The following ROBO1 variants were observed in gnomAD, a reference collection of about 807,000 sequenced individuals.
ROBO1 encodes the protein roundabout guidance receptor 1.
Under a neutral mutation model 195.9 loss-of-function variants are expected in ROBO1, and 149 were observed. The ratio of observed to expected loss-of-function variants is 0.76; its 90% CI spans 0.67 to 0.87. The LOEUF (loss-of-function observed/expected upper bound fraction) is 0.87. Ranked by LOEUF, ROBO1 falls within the 40% of genes least tolerant of loss-of-function variation. ROBO1 has a pLI of 0.00. For missense variants in ROBO1, 1,933 were observed against 2,068.3 expected (o/e 0.93, Z 1.27); for synonymous variants, 816 against 733.2 (o/e 1.11, Z -1.82).
At chr3:78,629,425 T>A (rs1705036681) in intron 25 of ROBO1, among the ~76,000 whole-genome samples, 1 of 152,146 alleles carries the variant, frequency 6.6e-6, no homozygotes, top group Admixed American at 6.6e-5. Context: ...GAATGGCTCA[T>A]GCCTGCCTGC....
chr3:78,962,897 G>C (rs1369838381), intron 3 of ROBO1, among the ~76,000 whole-genome samples: 2 of 150,094 alleles, frequency 1.3e-5, no homozygotes, highest in African/African-American at 4.9e-5. Flanking sequence ...TACAAGACGA[G>C]TGAAGTAACA....
At chr3:79,406,277 A>AT (rs2037545416) in intron 2 of ROBO1, among the ~76,000 whole-genome samples, 1 of 151,506 alleles carries the variant, frequency 6.6e-6, no homozygotes, top group South Asian at 2.1e-4. Context: ...TAAAAAAAAA[A>AT]GTTAACCAGG....
intron 2 of ROBO1, among the ~76,000 whole-genome samples, chr3:79,410,721 C>T (rs758855141): frequency 1.3e-5 from 2 of 151,778 alleles, no homozygotes; most frequent in African/African-American, 4.8e-5. Flanking sequence ...GAAGAAGAGA[C>T]GCAAAAGAGG....
At chr3:79,002,700 A>G (rs1261687177) in intron 3 of ROBO1, among the ~76,000 whole-genome samples, 1 of 152,126 alleles carries the variant, frequency 6.6e-6, no homozygotes, top group Non-Finnish European at 1.5e-5. Context: ...TCATGTTCTT[A>G]AGCCACAGTA....
At chr3:79,402,075 G>GT (rs2037386338) in intron 2 of ROBO1, among the ~76,000 whole-genome samples, 2 of 151,434 alleles carry the variant, frequency 1.3e-5, no homozygotes, top group Admixed American at 6.6e-5. Context: ...TGTTCAGTGT[G>GT]TTTTTTTAAG....
intron 2 of ROBO1, among the ~76,000 whole-genome samples, chr3:79,350,914 C>T (rs931080187): frequency 2.0e-5 from 3 of 152,088 alleles, no homozygotes; most frequent in Non-Finnish European, 4.4e-5. Context: ...ACTACAGCCC[C>T]TAACTCCTGG....
chr3:78,676,312 C>G (rs556493431), intron 10 of ROBO1, among the ~76,000 whole-genome samples: 2,176 of 152,266 alleles, frequency 0.014, 37 homozygotes, highest in African/African-American at 0.05. Flanking sequence ...AGCAACGGAA[C>G]AAAGCTGGAT....
intron 3 of ROBO1, among the ~76,000 whole-genome samples, chr3:79,084,801 A>G (rs1301187315): frequency 2.6e-5 from 4 of 152,208 alleles, no homozygotes; most frequent in Admixed American, 6.5e-5. Flanking sequence ...GACAGTGTCC[A>G]GCACACAAGA....
chr3:79,491,637 A>C (rs2107451065), intron 2 of ROBO1, among the ~76,000 whole-genome samples: 1 of 152,330 alleles, frequency 6.6e-6, no homozygotes, highest in Admixed American at 6.5e-5. Context: ...CTAGAGTGAA[A>C]GAATTCTGTA....
intron 2 of ROBO1, among the ~76,000 whole-genome samples, chr3:79,206,210 G>T (rs1055807097): frequency 6.6e-6 from 1 of 152,088 alleles, no homozygotes; most frequent in Admixed American, 6.6e-5. Flanking sequence ...TCACTTAGTA[G>T]CCATCTTGGT....
intron 4 of ROBO1, among the ~76,000 whole-genome samples, chr3:78,866,586 T>C (rs2035196360): frequency 6.6e-6 from 1 of 152,172 alleles, no homozygotes; most frequent in Non-Finnish European, 1.5e-5. Flanking sequence ...ACCAGAGATA[T>C]ATTTTGTAAT....
chr3:78,915,608 T>C (rs2038511466), intron 4 of ROBO1, among the ~76,000 whole-genome samples: 1 of 152,154 alleles, frequency 6.6e-6, no homozygotes, highest in Admixed American at 6.5e-5. Flanking sequence ...GACATAAAGT[T>C]TAATTATTAA....
chr3:79,609,840 T>G (rs1352634650), intron 1 of ROBO1, among the ~76,000 whole-genome samples: 1 of 151,742 alleles, frequency 6.6e-6, no homozygotes. Context: ...TTGCAGGAGT[T>G]GAGGGAAGAA....
At chr3:78,726,891 T>TAAC (rs200244955) in intron 5 of ROBO1, among the ~76,000 whole-genome samples, 61 of 152,108 alleles carry the variant, frequency 4.0e-4, no homozygotes, top group African/African-American at 1.4e-3. Flanking sequence ...ATCAAATTAG[T>TAAC]AACAACAACA....
chr3:78,808,409 T>A (rs2084618673), intron 4 of ROBO1, among the ~76,000 whole-genome samples: 11 of 152,094 alleles, frequency 7.2e-5, no homozygotes, highest in Admixed American at 7.2e-4. Context: ...TTCACCATGT[T>A]GATCAGGCTG....
At chr3:79,538,182 G>A (rs1355409617) in intron 2 of ROBO1, among the ~76,000 whole-genome samples, 1 of 152,036 alleles carries the variant, frequency 6.6e-6, no homozygotes, top group Non-Finnish European at 1.5e-5. Context: ...GTGGCTGCTA[G>A]CCTTTGGATT....
chr3:79,423,736 A>G (rs756164573), intron 2 of ROBO1, among the ~76,000 whole-genome samples: 7 of 152,234 alleles, frequency 4.6e-5, no homozygotes, highest in Non-Finnish European at 8.8e-5. Context: ...AGTATTCAGC[A>G]TTACTGACGA....
chr3:78,665,542 C>G (rs1488938408), intron 14 of ROBO1, among the ~76,000 whole-genome samples: 1 of 152,196 alleles, frequency 6.6e-6, no homozygotes, highest in Non-Finnish European at 1.5e-5. Flanking sequence ...ATTTGGCATA[C>G]TAGCTGTCTT....
intron 3 of ROBO1, among the ~76,000 whole-genome samples, chr3:79,064,154 GATCATTCTACAGTGT>G (rs2078967153): frequency 2.0e-5 from 3 of 151,958 alleles, no homozygotes; most frequent in African/African-American, 7.2e-5. Context: ...ACTCTGATTT[GATCATTCTACAGTGT>G]ATACATGTAT....
Sources: allele counts gnomAD v4.1 joint callset (sites outside exome capture counted in the v4.1 genomes callset), GRCh38; gene constraint gnomAD v4.1.1; transcripts MANE v1.5; gene names NCBI Gene and HGNC (gene_info 2026-07-23, HGNC 2026-07-21).